The following DHX34 variants were observed in gnomAD, a reference collection of about 807,000 sequenced individuals.
DHX34 encodes DExH-box helicase 34.
A neutral mutation model predicts 111.1 loss-of-function variants in DHX34; 96 were observed. The observed-to-expected ratio is 0.86, with a 90% CI of 0.73 to 1.02. The LOEUF is 1.02. DHX34 is among the 50% of genes least tolerant of loss of function. The pLI is 0.00. For synonymous variants in DHX34, 688 were observed against 670.4 expected (o/e 1.03, Z -0.41); for missense variants, 1,560 against 1,579.9 (o/e 0.99, Z 0.21).
chr19:47,380,630 G>A, intron 14 of DHX34, 186 bp from the exon 15 acceptor site: 1 of 985,120 alleles, frequency 1.0e-6, no homozygotes, highest in Non-Finnish European at 1.2e-6. Flanking sequence ...ATGGGGGTGG[G>A]TTATCAGGTA....
intron 13 of DHX34, among the ~76,000 whole-genome samples, chr19:47,378,202 C>T (rs1371336120): frequency 1.3e-5 from 2 of 152,240 alleles, no homozygotes; most frequent in Admixed American, 6.5e-5. Context: ...GTTGACACTG[C>T]GATTGCCACC....
At chr19:47,381,124 G>C in intron 15 of DHX34, 62 bp from the exon 16 acceptor site, 1 of 1,601,110 alleles carries the variant, frequency 6.2e-7, no homozygotes, top group Non-Finnish European at 8.5e-7. Context: ...GGTCCCGGGG[G>C]GGCACTTGGG....
intron 6 of DHX34, 82 bp from the exon 7 acceptor site, chr19:47,366,899 G>T (rs898488129): frequency 7.0e-7 from 1 of 1,419,374 alleles, no homozygotes. Flanking sequence ...AAAACGTCAT[G>T]AATTTGTGAT....
At chr19:47,375,206 G>C in intron 9 of DHX34, 2 of 896,418 alleles carry the variant, frequency 2.2e-6, no homozygotes, top group Non-Finnish European at 2.7e-6. Flanking sequence ...GCAGTCAGCA[G>C]AGCCTGGAGC....
intron 7 of DHX34, among the ~76,000 whole-genome samples, chr19:47,368,060 T>G (rs1396813355): frequency 6.6e-6 from 1 of 151,588 alleles, no homozygotes; most frequent in Non-Finnish European, 1.5e-5. Context: ...TTGGAAATCT[T>G]GGTTTGGACC....
At position 47,357,859 on chromosome 19, in the gene DHX34, C is replaced by T; in HGVS notation, c.1018-7C>T. The T allele has an allele frequency of 6.2e-7, 1 of 1,609,832 alleles. No homozygotes were observed. Among genetic ancestry groups the T allele is most frequent in the African/African-American group, 1.3e-5 (1 of 74,986 alleles). On this transcript the variant is annotated splice_polypyrimidine_tract_variant and splice_region_variant and intron_variant, in intron 3 of 16. Transcript: ENST00000328771. ...GTGTGCTTCTACCTGGGGCTGTCTCCTCTCAGGTTGTGTACCAGCCGCAGG... is the reference window on the plus strand; with the variant it reads ...GTGTGCTTCTACCTGGGGCTGTCTCTTCTCAGGTTGTGTACCAGCCGCAGG...
chr19:47,374,253 A>G (rs1970062885), intron 9 of DHX34, among the ~76,000 whole-genome samples: 1 of 152,040 alleles, frequency 6.6e-6, no homozygotes, highest in Non-Finnish European at 1.5e-5. Flanking sequence ...CCTGGACAAC[A>G]TGGTAAAACT....
chr19:47,373,644 CG>C lies in DHX34; in HGVS notation c.2012del (p.Gly671AlafsTer2). ...SRNSRKWCRR[R>X]GIEEHRLYEM... ...AAACTCTCGCAAGTGGTGCCGCCGC[CG>C]GGGCATAGAGGAGCATCGACTGTAC... On this transcript the variant is annotated frameshift_variant, in exon 9 of 17. Coordinates refer to ENST00000328771, the MANE Select transcript of DHX34 (RefSeq NM_014681.6). LOFTEE classifies it high-confidence loss of function. The C allele has an allele frequency of 6.2e-7, 1 of 1,614,044 alleles. No homozygotes were observed. The highest frequency in any genetic ancestry group is 8.5e-7 in the Non-Finnish European group (1 of 1,179,992).
intron 6 of DHX34, among the ~76,000 whole-genome samples, chr19:47,364,291 T>A (rs1969724592): frequency 6.6e-6 from 1 of 152,100 alleles, no homozygotes; most frequent in Admixed American, 6.6e-5. Context: ...GGAAGTGTAG[T>A]CCTTGTGCTC....
chr19:47,379,409 G>C (rs568731748), intron 13 of DHX34, among the ~76,000 whole-genome samples: 54 of 152,302 alleles, frequency 3.5e-4, no homozygotes, highest in African/African-American at 1.3e-3. Context: ...CACGTCGTGT[G>C]TGTCTGAGTG....
chr19:47,373,527 G>C, intron 8 of DHX34, 72 bp from the exon 9 acceptor site: 1 of 1,549,996 alleles, frequency 6.5e-7, no homozygotes, highest in East Asian at 2.4e-5. Context: ...TTGGGGCTCT[G>C]GGTGCTCGGT....
chr19:47,366,858 G>C, intron 6 of DHX34, 123 bp from the exon 7 acceptor site: 1 of 1,379,672 alleles, frequency 7.2e-7, no homozygotes, highest in South Asian at 1.7e-5. Context: ...ACAGGCATGA[G>C]CCACAACGCC....
chr19:47,353,183 T>C lies in DHX34; in HGVS notation c.153T>C (p.Arg51=). ...TCTTCCGTGAAGAGGATTACATCCG[T>C]CAGGGTTCTGAGGAATGTCAGAAGT... is the stretch of plus-strand genomic sequence containing the variant. ...DAFFREEDYI[R]QGSEECQKFW... The change falls in exon 2 of 17, where the codon CGT becomes CGC. Residue 51 remains arginine, a synonymous_variant. Coordinates refer to ENST00000328771, the MANE Select transcript of DHX34 (RefSeq NM_014681.6). This position sits in a 1 kb window ranked among gnomAD's most constrained non-coding sequence, Gnocchi z 4.6. 1 of 1,614,144 alleles carries C rather than the reference T, an allele frequency of 6.2e-7. No individual in the cohort carries two copies. The highest frequency in any genetic ancestry group is 1.3e-5 in the African/African-American group (1 of 75,036).
At position 47,372,783 on chromosome 19, in the gene DHX34, A is replaced by G; in HGVS notation, c.1822A>G (p.Ile608Val). ...MFSLVEPVLT[I>V]AAALSVQSPF... Reference sequence around the variant, plus strand: ...CAGCCTGGTGGAGCCTGTGCTCACCATCGCAGCCGCACTTAGCGTCCAGTC... The same window carrying G: ...CAGCCTGGTGGAGCCTGTGCTCACCGTCGCAGCCGCACTTAGCGTCCAGTC... Residue 608 changes from isoleucine (I) to valine (V), a missense_variant, in exon 8 of 17, where the codon ATC becomes GTC. Coordinates refer to ENST00000328771, the MANE Select transcript of DHX34 (RefSeq NM_014681.6). The G allele has an allele frequency of 6.2e-7, 1 of 1,612,712 alleles. No homozygotes were observed. The highest frequency in any genetic ancestry group is 8.5e-7 in the Non-Finnish European group (1 of 1,179,460).
rs202227021 is a variant in DHX34, at chr19:47,362,632, C to T, written c.1532C>T (p.Ala511Val). 6.2e-7 allele frequency: 1 copy of T among 1,613,762 alleles called. No individual in the cohort carries two copies. The highest frequency in any genetic ancestry group is 2.2e-5 in the East Asian group (1 of 44,868). The change falls in exon 6 of 17, where the codon GCC becomes GTC. Residue 511 changes from alanine (A) to valine (V), a missense_variant. Transcript: ENST00000328771. The part of the protein sequence containing the change: ...FRLYAESDYD[A>V]FAPYPVPEIR... ...CTCTATGCCGAATCGGACTATGATGCCTTCGCCCCCTACCCCGTCCCAGAA... is the reference window on the plus strand; with the variant it reads ...CTCTATGCCGAATCGGACTATGATGTCTTCGCCCCCTACCCCGTCCCAGAA...
Position 47,372,710 on chromosome 19 carries a change from C to A in DHX34, c.1769-20C>A. On this transcript the variant is annotated intron_variant, in intron 7 of 16. Coordinates refer to ENST00000328771, the MANE Select transcript of DHX34 (RefSeq NM_014681.6). ...CTGTCCTGGCACCCAGGAGCCTCAA[C>A]CCCGTGTCCGCCGCTGCAGGGAAGA... 3 of 1,561,306 alleles carry A rather than the reference C, an allele frequency of 1.9e-6. No homozygotes were observed. Among genetic ancestry groups the A allele is most frequent in the South Asian group, 1.2e-5 (1 of 84,376 alleles).
Position 47,353,592 on chromosome 19 carries a change from G to A in DHX34, c.562G>A (p.Gly188Ser), listed in dbSNP as rs370916458. ...HQVVVVAGDTGCGKSTQVPQY... is the reference protein window; with the variant it reads ...HQVVVVAGDTSCGKSTQVPQY... ...GGTGGTGGTAGTGGCCGGTGACACCGGCTGTGGCAAGTCCACTCAGGTGCC... is the reference window on the plus strand; with the variant it reads ...GGTGGTGGTAGTGGCCGGTGACACCAGCTGTGGCAAGTCCACTCAGGTGCC... The change falls in exon 2 of 17, where the codon GGC (glycine) becomes AGC (serine). Residue 188 changes from glycine (G) to serine (S), a missense_variant. Physicochemically the swap from Gly to Ser is moderately conservative, Grantham distance 56. Transcript: ENST00000328771. The surrounding 1 kb of genome is among the most constrained non-coding windows in gnomAD (Gnocchi z 4.6). 21 of 1,613,116 alleles carry A rather than the reference G, an allele frequency of 1.3e-5. No individual in the cohort carries two copies. Among genetic ancestry groups the A allele is most frequent in the Non-Finnish European group, 1.5e-5 (18 of 1,180,006 alleles).
rs141970393 is a variant in DHX34 at position 47,379,729 on chromosome 19, G to A, written c.2726G>A (p.Arg909Gln). Residue 909 changes from arginine to glutamine, a missense_variant, in exon 14 of 17, where the codon CGG becomes CAG. By Grantham distance (43) the Arg-to-Gln change is conservative (BLOSUM62 1). Transcript: ENST00000328771. ...TTTCAGTCCCTCCTGCTTTTTAGCC[G>A]GTCTTTGGACACCAATGGTGACTGC... ...PALQSLLLFSRSLDTNGDCSR... is the reference protein window; with the variant it reads ...PALQSLLLFSQSLDTNGDCSR... The A allele has an allele frequency of 2.3e-5, 37 of 1,599,924 alleles. No homozygotes were observed. The highest frequency in any genetic ancestry group is 2.1e-4 in the African/African-American group (16 of 74,682).
intron 16 of DHX34, 132 bp from the exon 17 acceptor site, chr19:47,381,848 C>T: frequency 2.0e-6 from 3 of 1,500,014 alleles, no homozygotes; most frequent in South Asian, 1.3e-5. Flanking sequence ...GGAGGGCTTC[C>T]TGGAGGAGGC....
Sources: allele counts gnomAD v4.1 joint callset (sites outside exome capture counted in the v4.1 genomes callset), GRCh38; gene constraint gnomAD v4.1.1; non-coding constraint Gnocchi (gnomAD v3.1); transcripts MANE v1.5; gene names NCBI Gene and HGNC (gene_info 2026-07-23, HGNC 2026-07-21).